The following SPATS2 variants were observed in gnomAD, a reference collection of about 807,000 sequenced individuals.
SPATS2 encodes the protein spermatogenesis-associated serine-rich protein 2.
In SPATS2, 38 loss-of-function variants were observed where a neutral mutation model predicts 63.7. That is an observed-to-expected ratio of 0.60 (90% confidence interval 0.46 to 0.78). SPATS2 has a LOEUF of 0.78. Ranked by LOEUF, SPATS2 falls within the 30% of genes least tolerant of loss-of-function variation. The pLI is 0.00. For missense variants in SPATS2, 588 were observed against 666.2 expected (o/e 0.88, Z 1.29); for synonymous variants, 207 against 232.9 (o/e 0.89, Z 1.01).
intron 2 of SPATS2, among the ~76,000 whole-genome samples, chr12:49,424,833 C>T (rs1393648862): frequency 6.6e-6 from 1 of 152,090 alleles, no homozygotes; most frequent in Non-Finnish European, 1.5e-5. Context: ...GCACCCACCA[C>T]CACGCCCAGC....
rs192523571 is a variant in SPATS2, at chr12:49,458,518, G to T, written c.-243-2252G>T. 1.1e-4 allele frequency among the ~76,000 whole-genome samples: 16 copies of T among 151,574 alleles called. No individual in the cohort carries two copies. In the East Asian group the frequency reaches 2.9e-3, roughly 28 times the overall value. On this transcript the variant is annotated intron_variant, in intron 2 of 13. Coordinates refer to ENST00000552918, the MANE Select transcript of SPATS2 (RefSeq NM_023071.4). ...ATATTGGCCAGGAGCAGTGGCTCAC[G>T]CCTGTAATCTCAGCACTTTGGGAGG...
At chr12:49,385,414 GAC>G (rs1423154441) in intron 2 of SPATS2, among the ~76,000 whole-genome samples, 1 of 151,680 alleles carries the variant, frequency 6.6e-6, no homozygotes, top group African/African-American at 2.4e-5. Context: ...TAGAGACAGA[GAC>G]AGATTCAGAT....
At chr12:49,391,815 T>G (rs943805505) in intron 2 of SPATS2, among the ~76,000 whole-genome samples, 29 of 152,256 alleles carry the variant, frequency 1.9e-4, no homozygotes, top group African/African-American at 6.5e-4. Flanking sequence ...CAAAACCACT[T>G]TACACTTCAG....
At chr12:49,385,839 T>TTTTGTTTG (rs576472782) in intron 2 of SPATS2, among the ~76,000 whole-genome samples, 21 of 147,418 alleles carry the variant, frequency 1.4e-4, no homozygotes, top group African/African-American at 4.3e-4. Context: ...TTTTTTTGTT[T>TTTTGTTTG]TTTGTTTGTT....
chr12:49,446,027 C>T, intron 2 of SPATS2, among the ~76,000 whole-genome samples: 1 of 152,112 alleles, frequency 6.6e-6, no homozygotes, highest in Non-Finnish European at 1.5e-5. Flanking sequence ...CCTCAGCCTC[C>T]TGAGTAGGTG....
At chr12:49,408,590 C>A (rs1409266950) in intron 2 of SPATS2, among the ~76,000 whole-genome samples, 2 of 108,006 alleles carry the variant, frequency 1.9e-5, no homozygotes, top group Non-Finnish European at 3.7e-5. Flanking sequence ...GAGTCTTGCT[C>A]TGCCGCCCAG....
At chr12:49,487,880 A>T (rs981333914) in intron 4 of SPATS2, among the ~76,000 whole-genome samples, 1 of 152,012 alleles carries the variant, frequency 6.6e-6, no homozygotes, top group Non-Finnish European at 1.5e-5. Flanking sequence ...ACTGGGCTTA[A>T]TGGCACTATG....
intron 3 of SPATS2, among the ~76,000 whole-genome samples, chr12:49,461,438 TCTAG>T (rs1565733802): frequency 1.3e-5 from 2 of 152,180 alleles, no homozygotes; most frequent in Admixed American, 6.5e-5. Flanking sequence ...GGAATGTTCT[TCTAG>T]CTTCTTATCT....
chr12:49,518,120 C>T (rs543335105), intron 10 of SPATS2, among the ~76,000 whole-genome samples: 27 of 152,254 alleles, frequency 1.8e-4, no homozygotes, highest in African/African-American at 6.5e-4. Context: ...AGGCTAAATG[C>T]CCCCTTCTCC....
intron 2 of SPATS2, among the ~76,000 whole-genome samples, chr12:49,422,409 CT>C (rs973552494): frequency 3.3e-5 from 5 of 151,936 alleles, no homozygotes; most frequent in Non-Finnish European, 7.4e-5. Flanking sequence ...AGCCTTCCTG[CT>C]TTTTTTTCCT....
intron 2 of SPATS2, among the ~76,000 whole-genome samples, chr12:49,427,217 A>G (rs1322156530): frequency 6.6e-6 from 1 of 152,234 alleles, no homozygotes; most frequent in African/African-American, 2.4e-5. Context: ...TAAACTTTTC[A>G]AAAAATAGTT....
chr12:49,512,910 G>T, intron 9 of SPATS2: 1 of 1,288,884 alleles, frequency 7.8e-7, no homozygotes, highest in South Asian at 1.2e-5. Flanking sequence ...GCCAAGGTTT[G>T]GGAAATGCTT....
chr12:49,392,364 G>C, intron 2 of SPATS2, among the ~76,000 whole-genome samples: 1 of 151,996 alleles, frequency 6.6e-6, no homozygotes, highest in East Asian at 1.9e-4. Context: ...TATTCCTTCT[G>C]TATGCTTCAA....
At chr12:49,501,662 T>C (rs1946569589) in intron 9 of SPATS2, among the ~76,000 whole-genome samples, 1 of 152,218 alleles carries the variant, frequency 6.6e-6, no homozygotes, top group Non-Finnish European at 1.5e-5. Flanking sequence ...TCGCCTAGGC[T>C]GGAGTGGAGT....
intron 10 of SPATS2, 27 bp from the exon 11 acceptor site, chr12:49,519,046 A>C (rs1013562802): frequency 6.4e-7 from 1 of 1,571,918 alleles, no homozygotes; most frequent in African/African-American, 1.4e-5. Flanking sequence ...CAGCAACATA[A>C]GGTTCACACT....
chr12:49,448,407 G>A (rs1051193873), intron 2 of SPATS2, among the ~76,000 whole-genome samples: 2 of 151,830 alleles, frequency 1.3e-5, no homozygotes, highest in African/African-American at 2.4e-5. Flanking sequence ...CCAAAGTGCT[G>A]GGATTACAGG....
At position 49,526,292 on chromosome 12, in the gene SPATS2, A is replaced by G. The variant is rs1208703194; in HGVS notation, c.*37A>G. ...GTTGGCCTCTCTCCTCTATCCACACAATTCAACTTGATAACTGGACTTTAG... is the reference window on the plus strand; with the variant it reads ...GTTGGCCTCTCTCCTCTATCCACACGATTCAACTTGATAACTGGACTTTAG... On this transcript the variant is annotated 3_prime_UTR_variant, in exon 14 of 14. Coordinates refer to ENST00000552918, the MANE Select transcript of SPATS2 (RefSeq NM_023071.4). 2.6e-6 allele frequency: 4 copies of G among 1,544,386 alleles called. No homozygotes were observed. Among genetic ancestry groups the G allele is most frequent in the Non-Finnish European group, 3.5e-6 (4 of 1,148,322 alleles).
intron 10 of SPATS2, among the ~76,000 whole-genome samples, chr12:49,518,763 G>A (rs560422321): frequency 2.0e-5 from 3 of 152,260 alleles, no homozygotes; most frequent in South Asian, 2.1e-4. Context: ...ACTTACTCTA[G>A]ATGAATATTT....
intron 2 of SPATS2, among the ~76,000 whole-genome samples, chr12:49,435,454 T>C (rs565056934): frequency 2.8e-4 from 42 of 151,822 alleles, no homozygotes; most frequent in African/African-American, 9.9e-4. Flanking sequence ...TCCTCCTGAG[T>C]AGCTGGGACT....
Sources: gnomAD v4.1 joint callset for allele counts (sites outside exome capture counted in the v4.1 genomes callset) on GRCh38, gnomAD v4.1.1 for gene constraint, MANE v1.5 for transcripts, NCBI Gene and HGNC (gene_info 2026-07-23, HGNC 2026-07-21) for gene names.